TENM4: variants seen among roughly 807,000 people sequenced by gnomAD.
TENM4 encodes teneurin-4.
A neutral mutation model predicts 243.3 loss-of-function variants in TENM4; 82 were observed. The observed-to-expected ratio is 0.34, with a 90% CI of 0.28 to 0.40. TENM4 has a LOEUF of 0.40. Among genes scored for constraint, TENM4 ranks in the 10% least tolerant of loss-of-function variants. The pLI is 1.00. For missense variants in TENM4, 3,138 were observed against 3,673.3 expected (o/e 0.85, Z 3.77); for synonymous variants, 1,412 against 1,456.3 (o/e 0.97, Z 0.69).
chr11:79,073,640 C>A (rs1565192508), intron 4 of TENM4, among the ~76,000 whole-genome samples: 1 of 152,024 alleles, frequency 6.6e-6, no homozygotes. Context: ...TCAAAGGTAG[C>A]CCAGGCTTGC....
At chr11:79,419,543 G>A (rs1222327631) in intron 1 of TENM4, among the ~76,000 whole-genome samples, 2 of 152,156 alleles carry the variant, frequency 1.3e-5, no homozygotes, top group Admixed American at 6.6e-5. Context: ...TTGGCAAAAA[G>A]GAAACTCACA....
chr11:79,428,605 T>C (rs1362015388), intron 1 of TENM4, among the ~76,000 whole-genome samples: 2 of 152,164 alleles, frequency 1.3e-5, no homozygotes, highest in Admixed American at 6.5e-5. Flanking sequence ...AGGACTATCA[T>C]GACATCTCCA....
intron 20 of TENM4, among the ~76,000 whole-genome samples, chr11:78,736,000 G>C (rs556144079): frequency 8.7e-4 from 132 of 151,770 alleles, no homozygotes; most frequent in African/African-American, 3.0e-3. Context: ...CTGGAGTGCA[G>C]GAGTACAGTG....
At chr11:78,677,755 A>G (rs111477139) in intron 29 of TENM4, among the ~76,000 whole-genome samples, 2,540 of 152,222 alleles carry the variant, frequency 0.017, 65 homozygotes, top group African/African-American at 0.059. Flanking sequence ...ATTTGATTTA[A>G]AACATTCTAA....
At chr11:78,951,549 T>C (rs889185010) in intron 6 of TENM4, among the ~76,000 whole-genome samples, 2 of 152,212 alleles carry the variant, frequency 1.3e-5, no homozygotes, top group African/African-American at 4.8e-5. Flanking sequence ...TTTCCCATAG[T>C]TCTGAAGGCT....
intron 6 of TENM4, among the ~76,000 whole-genome samples, chr11:79,057,746 C>CA (rs1565185625): frequency 2.0e-5 from 3 of 152,186 alleles, no homozygotes; most frequent in African/African-American, 7.2e-5. Flanking sequence ...TGTGGAATGA[C>CA]AGACAATCCA....
At chr11:78,971,149 G>A (rs888825342) in intron 6 of TENM4, among the ~76,000 whole-genome samples, 8 of 151,892 alleles carry the variant, frequency 5.3e-5, no homozygotes, top group Admixed American at 2.6e-4. Flanking sequence ...TCAGCCTCCC[G>A]AGTAGTCGGG....
At chr11:79,340,013 G>C (rs1032348659) in intron 1 of TENM4, among the ~76,000 whole-genome samples, 2 of 152,086 alleles carry the variant, frequency 1.3e-5, no homozygotes, top group African/African-American at 4.8e-5. Flanking sequence ...TGCCAGGGTG[G>C]TGAAAAAAAT....
At chr11:79,389,031 G>A (rs1858174918) in intron 1 of TENM4, among the ~76,000 whole-genome samples, 1 of 152,242 alleles carries the variant, frequency 6.6e-6, no homozygotes, top group African/African-American at 2.4e-5. Context: ...GATCAGGGAA[G>A]GTTCTTGGCC....
intron 19 of TENM4, among the ~76,000 whole-genome samples, chr11:78,743,597 G>C (rs571428015): frequency 6.6e-6 from 1 of 152,296 alleles, no homozygotes; most frequent in South Asian, 2.1e-4. Context: ...GCCCTTTCAA[G>C]AGGCCAGCCC....
At chr11:79,072,416 G>T (rs1018250140) in intron 4 of TENM4, among the ~76,000 whole-genome samples, 1 of 152,088 alleles carries the variant, frequency 6.6e-6, no homozygotes, top group Non-Finnish European at 1.5e-5. Context: ...GGGCCCAGGA[G>T]GTCAAGGCTA....
At chr11:79,303,711 C>T (rs1856583956) in intron 1 of TENM4, among the ~76,000 whole-genome samples, 1 of 152,186 alleles carries the variant, frequency 6.6e-6, no homozygotes, top group Admixed American at 6.5e-5. Flanking sequence ...AAGTCATGCT[C>T]TAAACCATTA....
chr11:79,259,904 C>G (rs969293201), intron 2 of TENM4, among the ~76,000 whole-genome samples: 3 of 152,182 alleles, frequency 2.0e-5, no homozygotes, highest in Non-Finnish European at 4.4e-5. Flanking sequence ...GATCCCTGGG[C>G]TCTGAGCATC....
rs147531695 is a variant in TENM4 at position 78,832,760 on chromosome 11, T to C, written c.1682-18365A>G. On this transcript the variant is annotated intron_variant, in intron 12 of 33. Coordinates refer to ENST00000278550, the MANE Select transcript of TENM4 (RefSeq NM_001098816.3). ...CTAAGTCTGCCCAAGGCAATGTAGC[T>C]AGTAAGAGCAGGTGGAGGAATTTGA... Among the ~76,000 whole-genome samples the C allele has an allele frequency of 3.4e-3, 515 of 152,326 alleles. 4 individuals are homozygous for C. The highest frequency in any genetic ancestry group is 0.012 in the African/African-American group (481 of 41,562).
chr11:78,779,972 G>A (rs1856809868), intron 16 of TENM4, among the ~76,000 whole-genome samples: 1 of 152,206 alleles, frequency 6.6e-6, no homozygotes. Context: ...AGGTATCCGT[G>A]TGGTCTCTGG....
chr11:78,733,106 C>A (rs1456899841), intron 20 of TENM4, among the ~76,000 whole-genome samples: 1 of 152,324 alleles, frequency 6.6e-6, no homozygotes, highest in East Asian at 1.9e-4. Flanking sequence ...GACTCCACAG[C>A]AATCTTAGCT....
At chr11:79,415,443 G>A (rs1858792627) in intron 1 of TENM4, among the ~76,000 whole-genome samples, 1 of 152,122 alleles carries the variant, frequency 6.6e-6, no homozygotes, top group Non-Finnish European at 1.5e-5. Context: ...AAGCATTTGG[G>A]TCATCCACTA....
At position 78,722,690 on chromosome 11, in the gene TENM4, C is replaced by T; in HGVS notation, c.3778G>A (p.Val1260Ile). Residue 1260 changes from valine (V) to isoleucine (I), a missense_variant, in exon 24 of 34, where the codon GTC becomes ATC. Val to Ile is a conservative substitution (Grantham distance 29). Around this residue, in one of 2 missense-constraint regions of TENM4, gnomAD observed 2,467 missense variants for 3,059.1 expected, o/e 0.81. Coordinates refer to ENST00000278550, the MANE Select transcript of TENM4 (RefSeq NM_001098816.3). The stretch of plus-strand genomic sequence containing the variant: ...TACCTCAGCTCTAGGATGTTGGTGA[C>T]ATTTCCAGAGGGGAAGATCCTTCTA... ...YIRRIFPSGN[V>I]TNILELRNKD... 6.2e-7 allele frequency: 1 copy of T among 1,613,648 alleles called. No homozygotes were observed.
intron 6 of TENM4, among the ~76,000 whole-genome samples, chr11:78,990,115 A>G (rs959103625): frequency 1.3e-5 from 2 of 151,776 alleles, no homozygotes; most frequent in Non-Finnish European, 2.9e-5. Context: ...ATTGGGTCCC[A>G]GGGTCACTTT....
Sources: gnomAD v4.1 joint callset for allele counts (sites outside exome capture counted in the v4.1 genomes callset) on GRCh38, gnomAD v4.1.1 for gene constraint, gnomAD v4.1.1 regional missense constraint, MANE v1.5 for transcripts, NCBI Gene and HGNC (gene_info 2026-07-23, HGNC 2026-07-21) for gene names.